OXR1: variants seen among roughly 807,000 people sequenced by gnomAD.
The protein encoded by OXR1 is oxidation resistance protein 1.
In OXR1, 41 loss-of-function variants were observed where a neutral mutation model predicts 104.6. That is an observed-to-expected ratio of 0.39 (90% CI 0.31 to 0.51). The LOEUF (loss-of-function observed/expected upper bound fraction) is 0.51, where lower values mean the gene tolerates loss of function less well. Ranked by LOEUF, OXR1 falls within the 20% of genes least tolerant of loss-of-function variation. The pLI, the probability that OXR1 is intolerant of heterozygous loss-of-function variation, is 0.77. For missense variants in OXR1, 955 were observed against 1,031.9 expected (o/e 0.93, Z 1.02); for synonymous variants, 348 against 348.4 (o/e 1.00, Z 0.01).
intron 3 of OXR1, among the ~76,000 whole-genome samples, chr8:106,672,518 G>GAA (rs1827136560): frequency 2.2e-4 from 6 of 27,230 alleles, no homozygotes; most frequent in African/African-American, 5.0e-4. Context: ...AAGAAAGAAA[G>GAA]AGAGAGAGAG....
intron 3 of OXR1, among the ~76,000 whole-genome samples, chr8:106,569,898 T>G (rs1277391226): frequency 1.3e-5 from 2 of 152,200 alleles, no homozygotes; most frequent in African/African-American, 4.8e-5. Flanking sequence ...AATGTCTGTG[T>G]GGGAGCTGTT....
At chr8:106,650,495 G>C (rs1824474248) in intron 3 of OXR1, among the ~76,000 whole-genome samples, 1 of 152,224 alleles carries the variant, frequency 6.6e-6, no homozygotes, top group Non-Finnish European at 1.5e-5. Context: ...TATCTCAAAT[G>C]CCTTTCATAG....
At chr8:106,583,057 G>GT (rs948511369) in intron 3 of OXR1, among the ~76,000 whole-genome samples, 4 of 151,864 alleles carry the variant, frequency 2.6e-5, no homozygotes, top group African/African-American at 7.3e-5. Flanking sequence ...TTAGGAGGGA[G>GT]TTTTTTTTGA....
At chr8:106,527,665 T>C (rs1813793085) in intron 3 of OXR1, among the ~76,000 whole-genome samples, 1 of 152,188 alleles carries the variant, frequency 6.6e-6, no homozygotes, top group Non-Finnish European at 1.5e-5. Flanking sequence ...TAAATCTGAT[T>C]AATATGAATA....
intron 2 of OXR1, among the ~76,000 whole-genome samples, chr8:106,453,415 G>T (rs1297182129): frequency 6.6e-6 from 1 of 152,212 alleles, no homozygotes; most frequent in Non-Finnish European, 1.5e-5. Flanking sequence ...CAATGTGAAG[G>T]CAGTTGAAAT....
intron 2 of OXR1, among the ~76,000 whole-genome samples, chr8:106,460,355 A>C (rs944346608): frequency 6.6e-6 from 1 of 152,200 alleles, no homozygotes; most frequent in Admixed American, 6.5e-5. Context: ...TATATATGAG[A>C]AACATGACTC....
rs574881650 is a variant in OXR1, at chr8:106,702,361, A to T, written c.676-545A>T. Among the ~76,000 whole-genome samples the T allele has an allele frequency of 1.1e-4, 17 of 152,326 alleles. No homozygotes were observed. The East Asian group carries it at 2.3e-3, about 21-fold the overall frequency. The stretch of plus-strand genomic sequence containing the variant: ...ACTTTAGATGTCATATAATCTACTT[A>T]ATTTTACAGATGAAGAAATAAGCCC... On this transcript the variant is annotated intron_variant, in intron 7 of 16. Transcript: ENST00000517566.
At chr8:106,738,024 C>G (rs1834560636) in intron 12 of OXR1, among the ~76,000 whole-genome samples, 1 of 152,132 alleles carries the variant, frequency 6.6e-6, no homozygotes, top group African/African-American at 2.4e-5. Flanking sequence ...ATCAGCGTCA[C>G]ATCAAATATC....
chr8:106,559,117 A>G (rs1181006560), intron 3 of OXR1, among the ~76,000 whole-genome samples: 2 of 152,198 alleles, frequency 1.3e-5, no homozygotes, highest in African/African-American at 2.4e-5. Context: ...ATTCTCTGAA[A>G]TACCCCATTT....
At chr8:106,561,089 G>A (rs146488560) in intron 3 of OXR1, among the ~76,000 whole-genome samples, 3,908 of 152,162 alleles carry the variant, frequency 0.026, 76 homozygotes, top group Non-Finnish European at 0.042. Context: ...GTGGCCATTT[G>A]GGCAAACACC....
At position 106,750,319 on chromosome 8, in the gene OXR1, C is replaced by CTTTCT. The variant is rs1563773398; in HGVS notation, c.2487-484_2487-483insCTTTT. ...ATAAATAATTTTTTTCTTTTCTTTTCTTTTCTTTTTTTTTTTTTTTTTTGA... is the reference window on the plus strand; with the variant it reads ...ATAAATAATTTTTTTCTTTTCTTTTCTTTCTTTTTCTTTTTTTTTTTTTTTTTTGA... On this transcript the variant is annotated intron_variant, in intron 16 of 16. Coordinates refer to ENST00000517566, the MANE Select transcript of OXR1 (RefSeq NM_001198533.2). 2.2e-4 allele frequency among the ~76,000 whole-genome samples: 15 copies of CTTTCT among 68,252 alleles called. 1 individual carries two copies. Among genetic ancestry groups the CTTTCT allele is most frequent in the Admixed American group, 3.7e-4 (2 of 5,386 alleles). The allele number at this position is 68,252 out of a possible 152,430, so 44.8% of individuals were successfully genotyped here.
intron 1 of OXR1, among the ~76,000 whole-genome samples, chr8:106,334,172 G>T: frequency 6.6e-6 from 1 of 152,012 alleles, no homozygotes; most frequent in East Asian, 1.9e-4. Flanking sequence ...TACAAATCTT[G>T]CTTTTTTTGT....
rs71562108 is a variant in OXR1, at chr8:106,582,177, C to CATATATATATAT, written c.220+63053_220+63064dup. Among the ~76,000 whole-genome samples the CATATATATATAT allele has an allele frequency of 9.0e-3, 1,071 of 119,230 alleles. 15 individuals are homozygous for CATATATATATAT. Among genetic ancestry groups the CATATATATATAT allele is most frequent in the African/African-American group, 0.015 (391 of 25,910 alleles). The allele number at this position is 119,230 out of a possible 152,430, so 78.2% of individuals were successfully genotyped here. A position where few individuals can be genotyped will look rare whatever the true frequency, so the allele number is the denominator to read the frequency against. On this transcript the variant is annotated intron_variant, in intron 3 of 16. Transcript: ENST00000517566. ...AGCAAGACAGATTTTTTTCTATTGA[C>CATATATATATAT]ATATATATATATATATATATATATA...
At position 106,289,495 on chromosome 8, in the gene OXR1, G is replaced by T. The variant is rs559723144; in HGVS notation, c.-139+19128G>T. Among the ~76,000 whole-genome samples, 11 of 152,282 alleles carry T rather than the reference G, an allele frequency of 7.2e-5. No individual in the cohort carries two copies. In the South Asian group the frequency reaches 2.3e-3, roughly 32 times the overall value. Reference sequence around the variant, plus strand: ...TCTGCAAGGAGAATTACAAAACACTGCTGGAAGAAATCAGAGATGATACAA... The same window carrying T: ...TCTGCAAGGAGAATTACAAAACACTTCTGGAAGAAATCAGAGATGATACAA... On this transcript the variant is annotated intron_variant, in intron 1 of 16. Coordinates refer to ENST00000517566, the MANE Select transcript of OXR1 (RefSeq NM_001198533.2).
intron 1 of OXR1, among the ~76,000 whole-genome samples, chr8:106,311,728 C>A (rs1328850521): frequency 6.6e-6 from 1 of 152,178 alleles, no homozygotes; most frequent in African/African-American, 2.4e-5. Flanking sequence ...TTCAAAAATA[C>A]AAATATGTGC....
chr8:106,658,160 G>A (rs1825338691), intron 3 of OXR1: 1 of 1,244,638 alleles, frequency 8.0e-7, no homozygotes, highest in Non-Finnish European at 1.0e-6. Flanking sequence ...ACCGGCCCCC[G>A]GCGCCGTCCA....
intron 3 of OXR1, among the ~76,000 whole-genome samples, chr8:106,667,752 T>C (rs1290715230): frequency 6.6e-6 from 1 of 152,160 alleles, no homozygotes; most frequent in East Asian, 1.9e-4. Flanking sequence ...TTGCAAATAC[T>C]GAACTTTAAA....
intron 3 of OXR1, among the ~76,000 whole-genome samples, chr8:106,659,032 A>G (rs1586987574): frequency 6.6e-6 from 1 of 152,352 alleles, no homozygotes; most frequent in East Asian, 1.9e-4. Flanking sequence ...AAAATAAATG[A>G]GCATTAGAGA....
chr8:106,653,761 A>G (rs1047027708), intron 3 of OXR1, among the ~76,000 whole-genome samples: 1 of 152,030 alleles, frequency 6.6e-6, no homozygotes, highest in Non-Finnish European at 1.5e-5. Context: ...AGGCAAGAAA[A>G]AAAGGCACCT....
Sources: allele counts gnomAD v4.1 joint callset (sites outside exome capture counted in the v4.1 genomes callset), GRCh38; gene constraint gnomAD v4.1.1; transcripts MANE v1.5; gene names NCBI Gene and HGNC (gene_info 2026-07-23, HGNC 2026-07-21).